The following AGAP1 variants were observed in gnomAD, a reference collection of about 807,000 sequenced individuals.
AGAP1 encodes the protein ArfGAP with GTPase domain, ankyrin repeat and PH domain 1, also known as arf-GAP with GTPase, ANK repeat and PH domain-containing protein 1.
A neutral mutation model predicts 105.3 loss-of-function variants in AGAP1; 29 were observed. The ratio of observed to expected loss-of-function variants is 0.28; its 90% confidence interval spans 0.21 to 0.38. The LOEUF is 0.38. Ranked by LOEUF, AGAP1 falls within the 10% of genes least tolerant of loss-of-function variation. The probability of loss-of-function intolerance (pLI) is 1.00; values close to 1 mark genes in which losing one functional copy is unlikely to be tolerated. For missense variants in AGAP1, 998 were observed against 1,165.1 expected (o/e 0.86, Z 2.09); for synonymous variants, 509 against 485.9 (o/e 1.05, Z -0.63).
chr2:235,685,498 G>A (rs1381437687), intron 1 of AGAP1, among the ~76,000 whole-genome samples: 5 of 151,320 alleles, frequency 3.3e-5, no homozygotes, highest in African/African-American at 7.3e-5. Flanking sequence ...TGCCAGCAGA[G>A]GCTGTAATGC....
chr2:235,675,845 C>T (rs1027448082), intron 1 of AGAP1, among the ~76,000 whole-genome samples: 5 of 152,186 alleles, frequency 3.3e-5, no homozygotes, highest in Admixed American at 3.3e-4. Flanking sequence ...TAACATCTTT[C>T]TCTTTGATAA....
rs907965408 is a variant in AGAP1 at position 235,958,061 on chromosome 2, CT to C, written c.1484-10394del. Reference sequence around the variant, plus strand: ...TCTCTTTTCTTTTGTCTTTCTTTTCCTTTTTTTCCATATAGATGCATGCTTC... The same window carrying C: ...TCTCTTTTCTTTTGTCTTTCTTTTCCTTTTTTCCATATAGATGCATGCTTC... On this transcript the variant is annotated intron_variant, in intron 12 of 17. Transcript: ENST00000304032. The surrounding 1 kb of genome is among the most constrained non-coding windows in gnomAD (Gnocchi z 4.1). 1.6e-4 allele frequency among the ~76,000 whole-genome samples: 25 copies of C among 152,156 alleles called. No homozygotes were observed. Among genetic ancestry groups the C allele is most frequent in the Non-Finnish European group, 3.4e-4 (23 of 68,026 alleles).
At chr2:235,946,202 G>T (rs1373757328) in intron 12 of AGAP1, among the ~76,000 whole-genome samples, 1 of 151,920 alleles carries the variant, frequency 6.6e-6, no homozygotes, top group African/African-American at 2.4e-5. Flanking sequence ...TAATTTTGGG[G>T]GTGTATACCC....
intron 9 of AGAP1, among the ~76,000 whole-genome samples, chr2:235,870,935 C>T (rs867044719): frequency 1.3e-5 from 2 of 152,206 alleles, no homozygotes; most frequent in African/African-American, 4.8e-5. Context: ...GGTATAATTC[C>T]TTTAAAAATC....
At chr2:235,597,445 T>C (rs1046357666) in intron 1 of AGAP1, among the ~76,000 whole-genome samples, 3 of 152,220 alleles carry the variant, frequency 2.0e-5, no homozygotes, top group Admixed American at 6.5e-5. Context: ...GCTTGGCCAG[T>C]CTTTCCGTCA....
At chr2:235,532,639 A>G (rs1320297632) in intron 1 of AGAP1, among the ~76,000 whole-genome samples, 1 of 152,200 alleles carries the variant, frequency 6.6e-6, no homozygotes, top group East Asian at 1.9e-4. Flanking sequence ...TTGATATTTA[A>G]TCATGGATGT....
rs573706698 is a variant in AGAP1, at chr2:235,799,394, G to A, written c.829G>A (p.Asp277Asn). The change falls in exon 8 of 18, where the codon GAC (aspartate) becomes AAC (asparagine). Residue 277 changes from aspartate (D) to asparagine (N), a missense_variant. Transcript: ENST00000304032. The surrounding 1 kb of genome is among the most constrained non-coding windows in gnomAD (Gnocchi z 5.0). The stretch of plus-strand genomic sequence containing the variant: ...AAGTAATGGAGGTGGGAGTTTAAGC[G>A]ACTATTCCTCCTCCGTTCCATCGAC... ...QTSNGGGSLS[D>N]YSSSVPSTPS... 3.1e-6 allele frequency: 5 copies of A among 1,614,112 alleles called. No individual in the cohort carries two copies. Among genetic ancestry groups the A allele is most frequent in the African/African-American group, 2.7e-5 (2 of 75,018 alleles).
rs140343752 is a variant in AGAP1 at position 235,576,804 on chromosome 2, C to G, written c.163+81955C>G. ...GCGTAAGGGTACATCCTGTCAGACC[C>G]TCTTCCCGTGACTGTTCTTCCAGGG... On this transcript the variant is annotated intron_variant, in intron 1 of 17. Transcript: ENST00000304032. Among the ~76,000 whole-genome samples the G allele has an allele frequency of 2.6e-3, 391 of 152,356 alleles. 2 individuals carry two copies. The highest frequency in any genetic ancestry group is 4.0e-3 in the Admixed American group (61 of 15,308).
rs1238759075 is a variant in AGAP1 at position 236,009,718 on chromosome 2, G to C, written c.1646-26843G>C. ...AAAGATCCTATTAGTTCTCATAATTGATTCTGAGGGCTGCAGCGTGCCTCA... is the reference window on the plus strand; with the variant it reads ...AAAGATCCTATTAGTTCTCATAATTCATTCTGAGGGCTGCAGCGTGCCTCA... On this transcript the variant is annotated intron_variant, in intron 13 of 17. Coordinates refer to ENST00000304032, the MANE Select transcript of AGAP1 (RefSeq NM_001037131.3). This position sits in a 1 kb window ranked among gnomAD's most constrained non-coding sequence, Gnocchi z 4.2. Among the ~76,000 whole-genome samples the C allele has an allele frequency of 6.6e-6, 1 of 152,140 alleles. No individual in the cohort carries two copies. The highest frequency in any genetic ancestry group is 1.9e-4 in the East Asian group (1 of 5,194).
At chr2:235,592,438 A>T (rs1363006399) in intron 1 of AGAP1, among the ~76,000 whole-genome samples, 2 of 151,954 alleles carry the variant, frequency 1.3e-5, no homozygotes, top group African/African-American at 4.8e-5. Context: ...AGGAGCTTAG[A>T]ACCACGAGAG....
At chr2:235,595,480 C>T (rs1424312113) in intron 1 of AGAP1, among the ~76,000 whole-genome samples, 2 of 152,196 alleles carry the variant, frequency 1.3e-5, no homozygotes, top group Non-Finnish European at 1.5e-5. Context: ...TGTTTTTGTT[C>T]TGATAAACAC....
intron 11 of AGAP1, among the ~76,000 whole-genome samples, chr2:235,915,399 G>A (rs1442219384): frequency 6.6e-6 from 1 of 152,190 alleles, no homozygotes; most frequent in African/African-American, 2.4e-5. Context: ...GTTTGGCCCA[G>A]CGCAGTGGCT....
At position 235,889,668 on chromosome 2, in the gene AGAP1, A is replaced by T. The variant is rs1157945529; in HGVS notation, c.1155+6219A>T. On this transcript the variant is annotated intron_variant, in intron 10 of 17. Transcript: ENST00000304032. The surrounding 1 kb of genome is among the most constrained non-coding windows in gnomAD (Gnocchi z 4.6). ...CCTCACTCTGTCCTTTACTTAGGAC[A>T]TAAGCTAAATCTACATACCCTTCCT... Among the ~76,000 whole-genome samples the T allele has an allele frequency of 1.3e-5, 2 of 151,982 alleles. No homozygotes were observed. The highest frequency in any genetic ancestry group is 2.9e-5 in the Non-Finnish European group (2 of 68,024).
At chr2:235,650,802 A>G (rs1947558102) in intron 1 of AGAP1, among the ~76,000 whole-genome samples, 1 of 152,198 alleles carries the variant, frequency 6.6e-6, no homozygotes, top group Non-Finnish European at 1.5e-5. Context: ...GAAATGTCCT[A>G]TAAAAAGAGC....
At chr2:236,043,723 G>C (rs533516431) in intron 15 of AGAP1, among the ~76,000 whole-genome samples, 1 of 144,134 alleles carries the variant, frequency 6.9e-6, no homozygotes, top group East Asian at 2.3e-4. Context: ...TTCGTCTCAA[G>C]GGAAAAAAAA....
intron 1 of AGAP1, among the ~76,000 whole-genome samples, chr2:235,677,085 G>A (rs750861087): frequency 6.6e-5 from 10 of 152,178 alleles, no homozygotes; most frequent in Non-Finnish European, 4.4e-5. Context: ...GTTTCCCATC[G>A]TTGATACTTG....
Position 235,865,235 on chromosome 2 carries a change from C to G in AGAP1, c.1051-18110C>G, listed in dbSNP as rs997604489. On this transcript the variant is annotated intron_variant, in intron 9 of 17. Coordinates refer to ENST00000304032, the MANE Select transcript of AGAP1 (RefSeq NM_001037131.3). The surrounding 1 kb of genome is among the most constrained non-coding windows in gnomAD (Gnocchi z 6.2). ...AGCTGGATTTGTGGGTGATTAGCTC[C>G]TGGCCGAATCCAGTCCCGGCCGGCG... 6.6e-6 allele frequency among the ~76,000 whole-genome samples: 1 copy of G among 152,194 alleles called. No individual in the cohort carries two copies. The highest frequency in any genetic ancestry group is 1.5e-5 in the Non-Finnish European group (1 of 68,038).
intron 1 of AGAP1, among the ~76,000 whole-genome samples, chr2:235,666,135 C>T (rs1392091191): frequency 6.6e-6 from 1 of 151,732 alleles, no homozygotes; most frequent in Non-Finnish European, 1.5e-5. Flanking sequence ...TCTCGCGCAG[C>T]ATTAGTCCCT....
At position 235,976,107 on chromosome 2, in the gene AGAP1, T is replaced by G. The variant is rs901831714; in HGVS notation, c.1645+7484T>G. Among the ~76,000 whole-genome samples, 5 of 152,174 alleles carry G rather than the reference T, an allele frequency of 3.3e-5. No homozygotes were observed. Among genetic ancestry groups the G allele is most frequent in the African/African-American group, 1.2e-4 (5 of 41,452 alleles). Reference sequence around the variant, plus strand: ...TACGCTGGAAATGCAGTCACTTCACTCTGCTAAGGATATCAGGAGACTGGC... The same window carrying G: ...TACGCTGGAAATGCAGTCACTTCACGCTGCTAAGGATATCAGGAGACTGGC... On this transcript the variant is annotated intron_variant, in intron 13 of 17. Transcript: ENST00000304032. This position sits in a 1 kb window ranked among gnomAD's most constrained non-coding sequence, Gnocchi z 4.5.
Sources: allele counts gnomAD v4.1 joint callset (sites outside exome capture counted in the v4.1 genomes callset), GRCh38; gene constraint gnomAD v4.1.1; non-coding constraint Gnocchi (gnomAD v3.1); transcripts MANE v1.5; gene names NCBI Gene and HGNC (gene_info 2026-07-23, HGNC 2026-07-21).